The following UBE2E2 variants were observed in gnomAD, a reference collection of about 807,000 sequenced individuals.
The protein encoded by UBE2E2 is ubiquitin-conjugating enzyme E2 E2.
In UBE2E2, 6 loss-of-function variants were observed where a neutral mutation model predicts 24.7. The ratio of observed to expected loss-of-function variants is 0.24; its 90% CI spans 0.13 to 0.48. The LOEUF is 0.48. Ranked by LOEUF, UBE2E2 falls within the 20% of genes least tolerant of loss-of-function variation. The pLI, the probability that UBE2E2 is intolerant of heterozygous loss-of-function variation, is 0.99. For synonymous variants in UBE2E2, 104 were observed against 83.6 expected (o/e 1.24, Z -1.33); for missense variants, 169 against 245.0 (o/e 0.69, Z 2.07).
chr3:23,451,034 T>C (rs2125416149), intron 3 of UBE2E2, among the ~76,000 whole-genome samples: 1 of 152,350 alleles, frequency 6.6e-6, no homozygotes, highest in South Asian at 2.1e-4. Flanking sequence ...GAGAAACTTC[T>C]TGGAAGATTT....
intron 5 of UBE2E2, among the ~76,000 whole-genome samples, chr3:23,561,265 G>T (rs1575707768): frequency 6.6e-6 from 1 of 152,156 alleles, no homozygotes; most frequent in Non-Finnish European, 1.5e-5. Context: ...GTAAGGAAGG[G>T]ATCCAGTTTC....
intron 3 of UBE2E2, among the ~76,000 whole-genome samples, chr3:23,463,725 G>A (rs1457443980): frequency 6.6e-6 from 1 of 152,114 alleles, no homozygotes; most frequent in Non-Finnish European, 1.5e-5. Context: ...TTACCACACA[G>A]TGTAATGTGG....
intron 2 of UBE2E2, among the ~76,000 whole-genome samples, chr3:23,215,311 C>T (rs964291774): frequency 1.3e-5 from 2 of 152,044 alleles, no homozygotes; most frequent in Non-Finnish European, 2.9e-5. Context: ...ATAAATTATA[C>T]ATTTATTATA....
At chr3:23,370,082 G>A (rs1345510337) in intron 3 of UBE2E2, among the ~76,000 whole-genome samples, 1 of 152,168 alleles carries the variant, frequency 6.6e-6, no homozygotes, top group Admixed American at 6.5e-5. Context: ...ACCAGAACAT[G>A]TTTCTGCTCT....
At chr3:23,428,428 A>G (rs1444287421) in intron 3 of UBE2E2, among the ~76,000 whole-genome samples, 1 of 152,228 alleles carries the variant, frequency 6.6e-6, no homozygotes, top group Non-Finnish European at 1.5e-5. Context: ...CATTGAATGC[A>G]GAGGTTACAG....
chr3:23,482,635 G>C (rs529336345), intron 3 of UBE2E2, among the ~76,000 whole-genome samples: 34 of 152,224 alleles, frequency 2.2e-4, no homozygotes, highest in Admixed American at 6.5e-4. Flanking sequence ...TCTGAAATCT[G>C]TGCCTGTCAT....
intron 3 of UBE2E2, among the ~76,000 whole-genome samples, chr3:23,297,688 A>G (rs1559337870): frequency 6.6e-6 from 1 of 152,086 alleles, no homozygotes; most frequent in Non-Finnish European, 1.5e-5. Flanking sequence ...TGGTTACTGT[A>G]GCCTTGTAGT....
intron 3 of UBE2E2, among the ~76,000 whole-genome samples, chr3:23,446,724 C>G (rs1303081690): frequency 1.6e-4 from 12 of 73,506 alleles, no homozygotes; most frequent in African/African-American, 8.2e-4. Flanking sequence ...TTTTTTTATC[C>G]GTAGGGTCAT....
At chr3:23,303,542 A>G (rs1285336730) in intron 3 of UBE2E2, among the ~76,000 whole-genome samples, 1 of 152,200 alleles carries the variant, frequency 6.6e-6, no homozygotes. Context: ...TCCATGTTTA[A>G]TTCAGCTTTA....
At position 23,294,861 on chromosome 3, in the gene UBE2E2, C is replaced by T. The variant is rs74285196; in HGVS notation, c.227+77549C>T. Among the ~76,000 whole-genome samples, 13 of 56,170 alleles carry T rather than the reference C, an allele frequency of 2.3e-4. No individual in the cohort carries two copies. The East Asian group carries it at 5.2e-3, about 23-fold the overall frequency. The allele number at this position is 56,170 out of a possible 152,430, so 36.8% of individuals were successfully genotyped here. On this transcript the variant is annotated intron_variant, in intron 3 of 5. Coordinates refer to ENST00000396703, the MANE Select transcript of UBE2E2 (RefSeq NM_152653.4). ...ATAGTCTGTTCAGATTTGTTATGAC[C>T]AAAAATATAATGATGCAGGTAATTA... is the stretch of plus-strand genomic sequence containing the variant.
At chr3:23,222,920 TGAG>T (rs1265036620) in intron 3 of UBE2E2, among the ~76,000 whole-genome samples, 1 of 151,842 alleles carries the variant, frequency 6.6e-6, no homozygotes, top group Non-Finnish European at 1.5e-5. Context: ...TTAACCTCAG[TGAG>T]ATATTGCATT....
chr3:23,364,722 A>G (rs528643994), intron 3 of UBE2E2, among the ~76,000 whole-genome samples: 1 of 152,312 alleles, frequency 6.6e-6, no homozygotes, highest in East Asian at 1.9e-4. Flanking sequence ...ATTCCTACTG[A>G]AACTGCTCCT....
chr3:23,300,207 A>G (rs1699031898), intron 3 of UBE2E2, among the ~76,000 whole-genome samples: 2 of 152,092 alleles, frequency 1.3e-5, no homozygotes, highest in Non-Finnish European at 1.5e-5. Context: ...TCCTGAATAC[A>G]GCACACTGGT....
intron 3 of UBE2E2, among the ~76,000 whole-genome samples, chr3:23,309,226 A>G (rs1487767075): frequency 6.6e-6 from 1 of 152,130 alleles, no homozygotes; most frequent in African/African-American, 2.4e-5. Context: ...TGGAGTTGTC[A>G]TCTTCTCTGG....
At position 23,283,136 on chromosome 3, in the gene UBE2E2, A is replaced by G. The variant is rs147214483; in HGVS notation, c.227+65824A>G. On this transcript the variant is annotated intron_variant, in intron 3 of 5. Transcript: ENST00000396703. ...ATCTAAGGAGAAGTTGATAAATGCTACCTTCCTGCACTTGCTCCTGTAAGT... is the reference window on the plus strand; with the variant it reads ...ATCTAAGGAGAAGTTGATAAATGCTGCCTTCCTGCACTTGCTCCTGTAAGT... Among the ~76,000 whole-genome samples, 7 of 152,214 alleles carry G rather than the reference A, an allele frequency of 4.6e-5. No individual in the cohort carries two copies. The East Asian group carries it at 7.7e-4, about 17-fold the overall frequency.
At chr3:23,420,517 A>T (rs557387396) in intron 3 of UBE2E2, among the ~76,000 whole-genome samples, 5 of 152,186 alleles carry the variant, frequency 3.3e-5, no homozygotes, top group Non-Finnish European at 7.4e-5. Flanking sequence ...AGCAATAGAG[A>T]ATAAGGCAGG....
At chr3:23,314,985 T>C (rs1694530871) in intron 3 of UBE2E2, among the ~76,000 whole-genome samples, 2 of 152,216 alleles carry the variant, frequency 1.3e-5, no homozygotes, top group African/African-American at 4.8e-5. Flanking sequence ...ATATCGACAG[T>C]CTTTTTCTCT....
intron 3 of UBE2E2, among the ~76,000 whole-genome samples, chr3:23,242,061 T>A (rs954059166): frequency 6.6e-6 from 1 of 152,134 alleles, no homozygotes; most frequent in Non-Finnish European, 1.5e-5. Flanking sequence ...AGGATTGGGC[T>A]AACACACCTA....
Position 23,265,821 on chromosome 3 carries a change from T to C in UBE2E2, c.227+48509T>C, listed in dbSNP as rs140369321. Among the ~76,000 whole-genome samples the C allele has an allele frequency of 7.3e-3, 1,113 of 152,336 alleles. 14 individuals are homozygous for C. The highest frequency in any genetic ancestry group is 0.025 in the African/African-American group (1,050 of 41,572). On this transcript the variant is annotated intron_variant, in intron 3 of 5. Transcript: ENST00000396703. ...TCTCTAAGGACTTGCTTTATGAATC[T>C]GGGTGCTCCTGTGTTGGGTGCATAT...
Sources: allele counts gnomAD v4.1 joint callset (sites outside exome capture counted in the v4.1 genomes callset), GRCh38; gene constraint gnomAD v4.1.1; transcripts MANE v1.5; gene names NCBI Gene and HGNC (gene_info 2026-07-23, HGNC 2026-07-21).